The following RPS6KC1 variants were observed in gnomAD, a reference collection of about 807,000 sequenced individuals.
The protein encoded by RPS6KC1 is ribosomal protein S6 kinase C1.
Under a neutral mutation model 103.8 loss-of-function variants are expected in RPS6KC1, and 54 were observed. The observed-to-expected ratio is 0.52, with a 90% confidence interval of 0.42 to 0.65. RPS6KC1 has a LOEUF of 0.65. Ranked by LOEUF, RPS6KC1 falls within the 30% of genes least tolerant of loss-of-function variation. The pLI, the probability that RPS6KC1 is intolerant of heterozygous loss-of-function variation, is 0.00. For synonymous variants in RPS6KC1, 439 were observed against 438.7 expected, an observed-to-expected ratio of 1.00 and a Z score of -0.01; for missense variants, 1,151 against 1,253.8, an observed-to-expected ratio of 0.92 and a Z score of 1.24.
At chr1:213,185,622 A>C (rs888466604) in intron 8 of RPS6KC1, among the ~76,000 whole-genome samples, 1 of 152,046 alleles carries the variant, frequency 6.6e-6, no homozygotes, top group Non-Finnish European at 1.5e-5. Flanking sequence ...CACTCCATCC[A>C]GCCTGGGTGA....
chr1:213,573,386 T>C, the RPS6KC1 span, among the ~76,000 whole-genome samples: 1 of 152,126 alleles, frequency 6.6e-6, no homozygotes, highest in Non-Finnish European at 1.5e-5. Flanking sequence ...CATTCCAAGA[T>C]TGTATGGAAA....
chr1:213,731,619 CTA>C, the RPS6KC1 span: 1 of 152,150 alleles, frequency 6.6e-6, no homozygotes, highest in Non-Finnish European at 1.5e-5. Context: ...CCCAACACTT[CTA>C]TGTCTAGAAA....
At chr1:213,070,592 A>G (rs2078776999) in intron 1 of RPS6KC1, among the ~76,000 whole-genome samples, 1 of 152,230 alleles carries the variant, frequency 6.6e-6, no homozygotes, top group South Asian at 2.1e-4. Context: ...AGTGATGTAC[A>G]GAAAAGGAAA....
the RPS6KC1 span, among the ~76,000 whole-genome samples, chr1:213,354,913 C>T: frequency 1.2e-4 from 19 of 152,112 alleles, no homozygotes; most frequent in Non-Finnish European, 2.1e-4. Context: ...CGTAGCCAGC[C>T]CTTGGCAAGA....
the RPS6KC1 span, among the ~76,000 whole-genome samples, chr1:213,579,237 A>G: frequency 3.3e-5 from 5 of 151,944 alleles, no homozygotes; most frequent in African/African-American, 1.2e-4. Flanking sequence ...GGAACTTTGA[A>G]TCCATTAAAC....
At chr1:213,109,052 T>C (rs1300273770) in intron 4 of RPS6KC1, among the ~76,000 whole-genome samples, 1 of 152,220 alleles carries the variant, frequency 6.6e-6, no homozygotes, top group Non-Finnish European at 1.5e-5. Flanking sequence ...GTATTGAATC[T>C]GTAGTTCAGT....
intron 8 of RPS6KC1, among the ~76,000 whole-genome samples, chr1:213,208,079 A>G (rs2093404571): frequency 6.6e-6 from 1 of 152,144 alleles, no homozygotes; most frequent in African/African-American, 2.4e-5. Context: ...TTGCTCTTGT[A>G]TGTTACTTTT....
chr1:213,391,665 T>C, the RPS6KC1 span, among the ~76,000 whole-genome samples: 1 of 152,212 alleles, frequency 6.6e-6, no homozygotes, highest in African/African-American at 2.4e-5. Flanking sequence ...AGTGCCTCAG[T>C]TTTCAAATCT....
chr1:213,738,329 T>G, the RPS6KC1 span, among the ~76,000 whole-genome samples: 5 of 152,164 alleles, frequency 3.3e-5, no homozygotes, highest in Middle Eastern at 3.4e-3. Flanking sequence ...GAAAATAACA[T>G]GTATAAACCC....
the RPS6KC1 span, among the ~76,000 whole-genome samples, chr1:213,301,514 C>CA: frequency 6.6e-6 from 1 of 152,098 alleles, no homozygotes; most frequent in African/African-American, 2.4e-5. Flanking sequence ...CAGTGCTTCT[C>CA]ACGTCATCTG....
chr1:213,503,357 G>T, the RPS6KC1 span, among the ~76,000 whole-genome samples: 1 of 152,120 alleles, frequency 6.6e-6, no homozygotes, highest in African/African-American at 2.4e-5. Context: ...TGGCTCTGTT[G>T]TCCTTAGGTC....
chr1:213,379,635 G>A, the RPS6KC1 span, among the ~76,000 whole-genome samples: 13 of 152,144 alleles, frequency 8.5e-5, no homozygotes, highest in Non-Finnish European at 1.9e-4. Flanking sequence ...TCTAGCAAAC[G>A]CATACACCAT....
intron 8 of RPS6KC1, among the ~76,000 whole-genome samples, chr1:213,219,191 G>A (rs952021889): frequency 2.0e-5 from 3 of 152,158 alleles, no homozygotes; most frequent in Admixed American, 2.0e-4. Flanking sequence ...ATCAACAAGT[G>A]GGTGAAGGAT....
the RPS6KC1 span, among the ~76,000 whole-genome samples, chr1:213,511,224 C>G: frequency 6.6e-6 from 1 of 151,086 alleles, no homozygotes; most frequent in Non-Finnish European, 1.5e-5. Flanking sequence ...TAGCCTGACA[C>G]AAAGACCAAA....
chr1:213,748,727 C>G, the RPS6KC1 span, among the ~76,000 whole-genome samples: 419 of 152,342 alleles, frequency 2.8e-3, 3 homozygotes, highest in Non-Finnish European at 4.4e-3. Flanking sequence ...GTCTGTTTTT[C>G]TAATAACATC....
chr1:213,706,545 A>T, the RPS6KC1 span, among the ~76,000 whole-genome samples: 5 of 152,020 alleles, frequency 3.3e-5, no homozygotes, highest in African/African-American at 7.2e-5. Flanking sequence ...TTCTCACCTG[A>T]TTTTTAAATT....
At chr1:213,618,694 A>T in the RPS6KC1 span, among the ~76,000 whole-genome samples, 1 of 152,198 alleles carries the variant, frequency 6.6e-6, no homozygotes, top group South Asian at 2.1e-4. Context: ...AGGACTACTG[A>T]TGTTAGTGGG....
chr1:213,363,616 T>C, the RPS6KC1 span, among the ~76,000 whole-genome samples: 19 of 84,982 alleles, frequency 2.2e-4, no homozygotes, highest in South Asian at 1.0e-3. Context: ...CTTGCTTGCT[T>C]GCTTGCTTGC....
rs185718437 is a variant in RPS6KC1 at position 213,250,272 on chromosome 1, T to A, written c.2911+7614T>A. Among the ~76,000 whole-genome samples the A allele has an allele frequency of 3.3e-3, 505 of 152,312 alleles. 1 individual carries two copies. The highest frequency in any genetic ancestry group is 0.012 in the African/African-American group (486 of 41,566). On this transcript the variant is annotated intron_variant, in intron 12 of 14. Transcript: ENST00000366960. ...GTGGGGGCCCCAGCTGCTGCAGACT[T>A]CTCTCTCTGGAAAGTGCCAGTCTCT...
Sources: gnomAD v4.1 joint callset for allele counts (sites outside exome capture counted in the v4.1 genomes callset) on GRCh38, gnomAD v4.1.1 for gene constraint, MANE v1.5 for transcripts, NCBI Gene and HGNC (gene_info 2026-07-23, HGNC 2026-07-21) for gene names.